PHACTR1: variants seen among roughly 807,000 people sequenced by gnomAD.
PHACTR1 encodes the protein RPEL repeat containing 1.
PHACTR1 carries 16 observed loss-of-function variants against 69.2 expected under a neutral mutation model. The ratio of observed to expected loss-of-function variants is 0.23; its 90% confidence interval spans 0.16 to 0.35. PHACTR1 has a LOEUF of 0.35. Ranked by LOEUF, PHACTR1 falls within the 10% of genes least tolerant of loss-of-function variation. The pLI is 1.00. For synonymous variants in PHACTR1, 312 were observed against 284.5 expected (o/e 1.10, Z -0.97); for missense variants, 510 against 734.7 (o/e 0.69, Z 3.54).
At chr6:13,087,759 C>T (rs1327341496) in intron 5 of PHACTR1, among the ~76,000 whole-genome samples, 1 of 151,796 alleles carries the variant, frequency 6.6e-6, no homozygotes, top group Non-Finnish European at 1.5e-5. Flanking sequence ...GATCCTCCCA[C>T]CTGAGCCTCC....
chr6:13,145,411 T>C (rs1466769458), intron 5 of PHACTR1, among the ~76,000 whole-genome samples: 1 of 152,230 alleles, frequency 6.6e-6, no homozygotes, highest in Non-Finnish European at 1.5e-5. Context: ...TTTAAGGCAA[T>C]GTGCTTGGTC....
At chr6:13,064,022 A>G (rs1251003467) in intron 5 of PHACTR1, among the ~76,000 whole-genome samples, 1 of 152,212 alleles carries the variant, frequency 6.6e-6, no homozygotes, top group African/African-American at 2.4e-5. Context: ...CAAGTTTATA[A>G]TATAACAACT....
At chr6:13,153,725 CA>C in intron 5 of PHACTR1, among the ~76,000 whole-genome samples, 1 of 152,276 alleles carries the variant, frequency 6.6e-6, no homozygotes, top group Non-Finnish European at 1.5e-5. Context: ...CCTTCTAAGC[CA>C]CATATTCATT....
intron 4 of PHACTR1, among the ~76,000 whole-genome samples, chr6:13,006,676 C>T (rs1271474483): frequency 6.6e-6 from 1 of 152,052 alleles, no homozygotes; most frequent in African/African-American, 2.4e-5. Flanking sequence ...CACACACACA[C>T]ACACACTTCT....
intron 10 of PHACTR1, among the ~76,000 whole-genome samples, chr6:13,247,933 A>G (rs978297674): frequency 2.0e-5 from 3 of 152,208 alleles, no homozygotes; most frequent in Non-Finnish European, 4.4e-5. Context: ...GGTTCAACCA[A>G]TGAATCTACC....
chr6:12,924,211 T>C (rs1422922162), intron 4 of PHACTR1, among the ~76,000 whole-genome samples: 1 of 152,234 alleles, frequency 6.6e-6, no homozygotes, highest in Non-Finnish European at 1.5e-5. Flanking sequence ...TGTATGTATG[T>C]AAATACATAT....
intron 5 of PHACTR1, among the ~76,000 whole-genome samples, chr6:13,126,771 A>G (rs1819601422): frequency 6.6e-6 from 1 of 152,268 alleles, no homozygotes; most frequent in African/African-American, 2.4e-5. Context: ...GGATCACACA[A>G]TTAGTAAATG....
At chr6:12,775,792 C>A (rs181369826) in intron 4 of PHACTR1, among the ~76,000 whole-genome samples, 3 of 152,164 alleles carry the variant, frequency 2.0e-5, no homozygotes, top group African/African-American at 7.2e-5. Flanking sequence ...ACATACTGTA[C>A]AACCAGGCTT....
At chr6:13,027,750 C>T (rs1801906052) in intron 4 of PHACTR1, among the ~76,000 whole-genome samples, 1 of 152,020 alleles carries the variant, frequency 6.6e-6, no homozygotes, top group Non-Finnish European at 1.5e-5. Flanking sequence ...ATCTAGGCTC[C>T]CTGCAACCTC....
At chr6:13,209,396 G>T (rs976910708) in intron 8 of PHACTR1, among the ~76,000 whole-genome samples, 1 of 152,198 alleles carries the variant, frequency 6.6e-6, no homozygotes, top group African/African-American at 2.4e-5. Context: ...AAAAAACTCT[G>T]CAAGAAGGGA....
chr6:13,231,101 AAAAG>A (rs767604422), intron 10 of PHACTR1, among the ~76,000 whole-genome samples: 2,551 of 70,490 alleles, frequency 0.036, 333 homozygotes, highest in African/African-American at 0.099. Context: ...GAAGGAAGGG[AAAAG>A]AAAGAAGGAA....
At chr6:12,833,203 C>T (rs1777771949) in intron 4 of PHACTR1, among the ~76,000 whole-genome samples, 2 of 152,018 alleles carry the variant, frequency 1.3e-5, no homozygotes, top group East Asian at 1.9e-4. Context: ...AACCTGGGCA[C>T]ATCTAAGGAA....
chr6:13,168,709 G>A (rs575556545), intron 6 of PHACTR1, among the ~76,000 whole-genome samples: 3 of 152,238 alleles, frequency 2.0e-5, no homozygotes, highest in Non-Finnish European at 2.9e-5. Context: ...TGCGGGGTGA[G>A]TAAGAATCAT....
intron 4 of PHACTR1, among the ~76,000 whole-genome samples, chr6:12,984,949 T>C (rs942076091): frequency 9.2e-5 from 14 of 152,344 alleles, no homozygotes; most frequent in African/African-American, 3.1e-4. Flanking sequence ...AAATAGTTAT[T>C]TTGAGTTTGA....
chr6:12,780,084 G>A, intron 4 of PHACTR1, among the ~76,000 whole-genome samples: 1 of 152,214 alleles, frequency 6.6e-6, no homozygotes, highest in Non-Finnish European at 1.5e-5. Context: ...GATGCTGGAG[G>A]TGGAAGCCAG....
rs571076834 is a variant in PHACTR1 at position 12,744,023 on chromosome 6, C to T, written c.104-5621C>T. Among the ~76,000 whole-genome samples the T allele has an allele frequency of 2.2e-4, 33 of 152,338 alleles. 1 individual carries two copies. Among genetic ancestry groups the T allele is most frequent in the African/African-American group, 7.9e-4 (33 of 41,570 alleles). ...AAACTCACTCAAAACCGCTCAACTA[C>T]ATGGAAACTGAACAACCTGCTCCTG... On this transcript the variant is annotated intron_variant, in intron 3 of 14. Transcript: ENST00000332995.
At position 13,079,928 on chromosome 6, in the gene PHACTR1, C is replaced by T. The variant is rs151207946; in HGVS notation, c.415+26399C>T. Among the ~76,000 whole-genome samples the T allele has an allele frequency of 4.9e-4, 74 of 152,222 alleles. No individual in the cohort carries two copies. The Middle Eastern group carries it at 0.01, about 21-fold the overall frequency. Reference sequence around the variant, plus strand: ...CCTCCCAAGATTTTATAACATCTAACCTTCCTCTCGTTTTGACAGCCACCG... The same window carrying T: ...CCTCCCAAGATTTTATAACATCTAATCTTCCTCTCGTTTTGACAGCCACCG... On this transcript the variant is annotated intron_variant, in intron 5 of 14. Coordinates refer to ENST00000332995, the MANE Select transcript of PHACTR1 (RefSeq NM_030948.6).
At chr6:12,753,527 G>GA (rs1385618586) in intron 4 of PHACTR1, among the ~76,000 whole-genome samples, 1 of 152,196 alleles carries the variant, frequency 6.6e-6, no homozygotes, top group Non-Finnish European at 1.5e-5. Context: ...GCACTATTGA[G>GA]AAAAATGTGT....
intron 3 of PHACTR1, among the ~76,000 whole-genome samples, chr6:12,741,582 G>A (rs1426294790): frequency 6.6e-6 from 1 of 151,942 alleles, no homozygotes; most frequent in Non-Finnish European, 1.5e-5. Context: ...GTTCATATCT[G>A]TTTGTAGATT....
Sources: gnomAD v4.1 joint callset for allele counts (sites outside exome capture counted in the v4.1 genomes callset) on GRCh38, gnomAD v4.1.1 for gene constraint, MANE v1.5 for transcripts, NCBI Gene and HGNC (gene_info 2026-07-23, HGNC 2026-07-21) for gene names.